The following HP1BP3 variants were observed in gnomAD, a reference collection of about 807,000 sequenced individuals.
HP1BP3 encodes the protein heterochromatin protein 1-binding protein 3.
HP1BP3 carries 12 observed loss-of-function variants against 62.5 expected under a neutral mutation model. The ratio of observed to expected loss-of-function variants is 0.19; its 90% CI spans 0.12 to 0.31. The LOEUF (loss-of-function observed/expected upper bound fraction) is 0.31, where lower values mean the gene tolerates loss of function less well. Ranked by LOEUF, HP1BP3 falls within the 10% of genes least tolerant of loss-of-function variation. The pLI, the probability that HP1BP3 is intolerant of heterozygous loss-of-function variation, is 1.00. For missense variants in HP1BP3, 502 were observed against 651.8 expected, an observed-to-expected ratio of 0.77 and a Z score of 2.50; for synonymous variants, 260 against 237.8, an observed-to-expected ratio of 1.09 and a Z score of -0.86.
At chr1:20,747,088 G>A (rs2055386212) in intron 11 of HP1BP3, among the ~76,000 whole-genome samples, 1 of 152,184 alleles carries the variant, frequency 6.6e-6, no homozygotes, top group Non-Finnish European at 1.5e-5. Context: ...AAGAAGGAAT[G>A]AACATCAAAA....
intron 8 of HP1BP3, 90 bp from the exon 9 acceptor site, chr1:20,757,346 G>T: frequency 1.5e-6 from 1 of 686,060 alleles, no homozygotes; most frequent in East Asian, 3.2e-5. Context: ...CCCAGATCTA[G>T]AGTTCTGATT....
At position 20,741,801 on chromosome 1, in the gene HP1BP3, T is replaced by C. The variant is rs2055091095; in HGVS notation, c.*2996A>G. 1.3e-5 allele frequency among the ~76,000 whole-genome samples: 2 copies of C among 152,222 alleles called. 1 individual carries two copies. Among genetic ancestry groups the C allele is most frequent in the African/African-American group, 4.8e-5 (2 of 41,452 alleles). On this transcript the variant is annotated 3_prime_UTR_variant, in exon 13 of 13. Transcript: ENST00000438032. ...AGCCACCAACAGAGTACTGAAGCTA[T>C]TGATCCATGCTAGAGATTTCTGGGA...
In HP1BP3 at chr1:20,757,393, T is replaced by C. The variant is rs917978465; in HGVS notation, c.891-137A>G. 8.3e-6 allele frequency: 3 copies of C among 362,958 alleles called. No individual in the cohort carries two copies. The East Asian group carries it at 1.6e-4, about 19-fold the overall frequency. 22.5% of individuals were successfully genotyped at this position (362,958 alleles called of 1,614,324 possible). ...TATTATTTTTTTTTTTTTTTTGAGG[T>C]GGAGTTTTGCCCTTGTTGCCCAGGC... On this transcript the variant is annotated intron_variant, in intron 8 of 12. Transcript: ENST00000438032.
intron 8 of HP1BP3, among the ~76,000 whole-genome samples, chr1:20,758,259 T>C (rs563707702): frequency 9.2e-5 from 14 of 152,324 alleles, no homozygotes; most frequent in Admixed American, 6.5e-4. Flanking sequence ...CTAGTAAGAA[T>C]AACATTAGTT....
chr1:20,773,790 TA>T (rs1222411452), intron 4 of HP1BP3, 180 bp from the exon 5 acceptor site: 26 of 443,216 alleles, frequency 5.9e-5, no homozygotes, highest in African/African-American at 5.3e-4. Context: ...CTGGGTACTA[TA>T]AATGAATTAA....
chr1:20,745,522 G>A (rs1448837324), intron 12 of HP1BP3, 21 bp downstream of exon 12: 1 of 1,612,622 alleles, frequency 6.2e-7, no homozygotes, highest in South Asian at 1.1e-5. Context: ...CTCCCCACAA[G>A]GGGTTTTCAC....
intron 8 of HP1BP3, among the ~76,000 whole-genome samples, chr1:20,762,460 A>C (rs770643075): frequency 2.6e-5 from 4 of 152,168 alleles, no homozygotes; most frequent in Non-Finnish European, 5.9e-5. Context: ...GCAGAGAATA[A>C]AGGCTGTGAA....
chr1:20,779,464 T>C (rs572206120), intron 3 of HP1BP3, among the ~76,000 whole-genome samples: 1 of 152,306 alleles, frequency 6.6e-6, no homozygotes, highest in African/African-American at 2.4e-5. Flanking sequence ...CCACTGTCTA[T>C]TCTAAAGGCC....
intron 8 of HP1BP3, among the ~76,000 whole-genome samples, chr1:20,759,357 C>T (rs1451416658): frequency 9.2e-5 from 14 of 152,276 alleles, no homozygotes; most frequent in Admixed American, 3.9e-4. Context: ...GAGCCAAGAT[C>T]GTGCCATTGC....
intron 9 of HP1BP3, chr1:20,755,211 C>A: frequency 4.0e-6 from 1 of 247,670 alleles, no homozygotes; most frequent in Non-Finnish European, 8.8e-6. Flanking sequence ...CAACGAGATA[C>A]CCTATATCCA....
intron 9 of HP1BP3, among the ~76,000 whole-genome samples, chr1:20,755,002 GAA>G (rs749434020): frequency 1.1e-4 from 16 of 152,162 alleles, no homozygotes; most frequent in Non-Finnish European, 2.2e-4. Flanking sequence ...ATACTACTGA[GAA>G]AGTCACAGAA....
In HP1BP3 at chr1:20,747,664, A is replaced by C; in HGVS notation, c.1142-9T>G. Reference sequence around the variant, plus strand: ...TTTTTTCAGCAAATGCACTGAAAAAAAAAATTCAGAAATGAAAGTTATCTA... The same window carrying C: ...TTTTTTCAGCAAATGCACTGAAAAACAAAATTCAGAAATGAAAGTTATCTA... On this transcript the variant is annotated splice_polypyrimidine_tract_variant and intron_variant, in intron 10 of 12. Transcript: ENST00000438032. 6.4e-7 allele frequency: 1 copy of C among 1,562,608 alleles called. No homozygotes were observed. The highest frequency in any genetic ancestry group is 8.8e-7 in the Non-Finnish European group (1 of 1,137,190).
rs766764492 is a variant in HP1BP3 at position 20,745,632 on chromosome 1, T to C, written c.1278A>G (p.Lys426=). 1 of 1,614,084 alleles carries C rather than the reference T, an allele frequency of 6.2e-7. No individual in the cohort carries two copies. Among genetic ancestry groups the C allele is most frequent in the Non-Finnish European group, 8.5e-7 (1 of 1,179,940 alleles). The change falls in exon 12 of 13, where the codon AAA becomes AAG. Residue 426 remains lysine, a synonymous_variant. Transcript: ENST00000438032. ...CCTCATCTCTAGAATCATCTGGCTC[T>C]TTCTTCGGAAACAGAACTCCTGGGC... is the stretch of plus-strand genomic sequence containing the variant. The part of the protein sequence containing the change: ...YPSPGVLFPK[K]EPDDSRDEDE...
At chr1:20,769,963 G>T (rs975301043) in intron 6 of HP1BP3, among the ~76,000 whole-genome samples, 4 of 152,160 alleles carry the variant, frequency 2.6e-5, no homozygotes, top group Admixed American at 2.6e-4. Context: ...CTAGGAATGG[G>T]GTGAACTAGG....
In HP1BP3 at chr1:20,773,440, TA is replaced by T; in HGVS notation, c.510+10del. On this transcript the variant is annotated intron_variant, in intron 5 of 12. Coordinates refer to ENST00000438032, the MANE Select transcript of HP1BP3 (RefSeq NM_001372052.1). ...TAAATCTAAGATGAATTGCTTGAAA[TA>T]AAAACTTGCCTTAATGGCCTCAGTT... The T allele has an allele frequency of 6.3e-7, 1 of 1,585,318 alleles. No individual in the cohort carries two copies. The highest frequency in any genetic ancestry group is 8.6e-7 in the Non-Finnish European group (1 of 1,167,032).
chr1:20,768,228 C>T (rs1437263687), intron 6 of HP1BP3, among the ~76,000 whole-genome samples: 2 of 152,026 alleles, frequency 1.3e-5, no homozygotes, highest in Non-Finnish European at 1.5e-5. Context: ...GGGCGAATCA[C>T]GAGGTCAGGA....
In HP1BP3 at chr1:20,771,085, T is replaced by G. The variant is rs2057034922; in HGVS notation, c.511-12A>C. The G allele has an allele frequency of 6.3e-7, 1 of 1,586,396 alleles. No individual in the cohort carries two copies. ...TTCTGGAAGCATGCCTAGAAAAGATTTATTAAACTAGTTGTTTTTTTTTAT... is the reference window on the plus strand; with the variant it reads ...TTCTGGAAGCATGCCTAGAAAAGATGTATTAAACTAGTTGTTTTTTTTTAT... On this transcript the variant is annotated splice_polypyrimidine_tract_variant and intron_variant, in intron 5 of 12. Coordinates refer to ENST00000438032, the MANE Select transcript of HP1BP3 (RefSeq NM_001372052.1).
chr1:20,786,196 C>G (rs958246438), intron 1 of HP1BP3: 1 of 152,336 alleles, frequency 6.6e-6, no homozygotes, highest in African/African-American at 2.4e-5. Flanking sequence ...CTCACCACTC[C>G]TGCCTCCATC....
chr1:20,745,129 T>TAA (rs778759149), intron 12 of HP1BP3, 38 bp from the exon 13 acceptor site: 61 of 1,552,706 alleles, frequency 3.9e-5, no homozygotes, highest in Non-Finnish European at 5.2e-5. Context: ...CATTTAGTAC[T>TAA]TAAGAGATTC....
Sources: allele counts gnomAD v4.1 joint callset (sites outside exome capture counted in the v4.1 genomes callset), GRCh38; gene constraint gnomAD v4.1.1; transcripts MANE v1.5; gene names NCBI Gene and HGNC (gene_info 2026-07-23, HGNC 2026-07-21).